CHN1: variants seen among roughly 807,000 people sequenced by gnomAD.
The protein encoded by CHN1 is N-chimaerin.
CHN1 carries 37 observed loss-of-function variants against 59.5 expected under a neutral mutation model. The observed-to-expected ratio is 0.62, with a 90% CI of 0.48 to 0.82. CHN1 has a LOEUF of 0.82. CHN1 is among the 40% of genes least tolerant of loss of function. The probability of loss-of-function intolerance (pLI) is 0.00; values close to 1 mark genes in which losing one functional copy is unlikely to be tolerated. For synonymous variants in CHN1, 206 were observed against 200.4 expected (o/e 1.03, Z -0.24); for missense variants, 469 against 571.0 (o/e 0.82, Z 1.82).
chr2:174,820,131 G>C lies in CHN1; in HGVS notation c.712+4303C>G, dbSNP rs200956645. Among the ~76,000 whole-genome samples, 4 of 152,070 alleles carry C rather than the reference G, an allele frequency of 2.6e-5. No individual in the cohort carries two copies. In the East Asian group the frequency reaches 5.8e-4, roughly 22 times the overall value. On this transcript the variant is annotated intron_variant, in intron 8 of 12. Transcript: ENST00000409900. ...GTGAATAGTGCCACAATAAACATACGTGTGCATGTGTCTTTATAGCAGCAT... is the reference window on the plus strand; with the variant it reads ...GTGAATAGTGCCACAATAAACATACCTGTGCATGTGTCTTTATAGCAGCAT...
At chr2:174,812,693 C>T (rs1372155097) in intron 8 of CHN1, among the ~76,000 whole-genome samples, 4 of 151,988 alleles carry the variant, frequency 2.6e-5, no homozygotes, top group Admixed American at 1.3e-4. Context: ...AATTCTAGCT[C>T]ACGCTTCATC....
intron 6 of CHN1, among the ~76,000 whole-genome samples, chr2:174,853,337 T>A (rs536237982): frequency 6.6e-6 from 1 of 151,982 alleles, no homozygotes; most frequent in African/African-American, 2.4e-5. Flanking sequence ...GACAAACATA[T>A]GAAAAAATGC....
chr2:174,901,113 TTC>T (rs1688377131), intron 5 of CHN1, among the ~76,000 whole-genome samples: 1 of 152,210 alleles, frequency 6.6e-6, no homozygotes, highest in Non-Finnish European at 1.5e-5. Flanking sequence ...CAGCTGTTTA[TTC>T]TTCAGAAACC....
chr2:174,824,185 A>G (rs1685602851), intron 8 of CHN1, among the ~76,000 whole-genome samples: 1 of 152,236 alleles, frequency 6.6e-6, no homozygotes, highest in Admixed American at 6.5e-5. Flanking sequence ...TTTTTGAACA[A>G]GCTGACTTCT....
intron 5 of CHN1, among the ~76,000 whole-genome samples, chr2:174,902,721 G>C (rs980709979): frequency 2.6e-5 from 4 of 152,122 alleles, no homozygotes; most frequent in African/African-American, 9.7e-5. Context: ...TACATTACAC[G>C]TCAACGCCTA....
chr2:174,958,466 G>A (rs778361936), intron 1 of CHN1, among the ~76,000 whole-genome samples: 2 of 152,130 alleles, frequency 1.3e-5, no homozygotes, highest in Non-Finnish European at 2.9e-5. Flanking sequence ...TGGCCCTAAC[G>A]CCTCACAGAC....
At position 174,801,749 on chromosome 2, in the gene CHN1, G is replaced by T; in HGVS notation, c.1166C>A (p.Ala389Asp). Residue 389 changes from alanine (A) to aspartate (D), a missense_variant, in exon 12 of 13, where the codon GCT becomes GAT. Around this residue, in one of 5 missense-constraint regions of CHN1, gnomAD observed 225 missense variants for 289.9 expected, o/e 0.78. Coordinates refer to ENST00000409900, the MANE Select transcript of CHN1 (RefSeq NM_001822.7). ...GAGGTACCGGAGGGTTTCGCAGTGA[G>T]CAGGTGGCAGTAGTTTCAGTGCTTC... ...LHEALKLLPP[A>D]HCETLRYLMA... The T allele has an allele frequency of 3.7e-6, 6 of 1,613,512 alleles. No individual in the cohort carries two copies. Among genetic ancestry groups the T allele is most frequent in the Non-Finnish European group, 8.5e-7 (1 of 1,179,550 alleles).
intron 1 of CHN1, among the ~76,000 whole-genome samples, chr2:174,961,469 T>C (rs1157802619): frequency 6.6e-6 from 1 of 151,642 alleles, no homozygotes; most frequent in Non-Finnish European, 1.5e-5. Flanking sequence ...CAGGTGCCTG[T>C]AATCCCAGCT....
chr2:174,990,264 A>T (rs2077876), intron 1 of CHN1, among the ~76,000 whole-genome samples: 1,069 of 65,666 alleles, frequency 0.016, 4 homozygotes, highest in African/African-American at 0.02. Flanking sequence ...TGTGTGTGTG[A>T]GAGAGAGAGA....
Position 174,799,322 on chromosome 2 carries a change from G to A in CHN1, c.*794C>T, listed in dbSNP as rs1574027980. ...CAGTAAACAAAAGAGGTCAGAAGAA[G>A]TACTCAGTATTTAATAAATGGCCAA... is the stretch of plus-strand genomic sequence containing the variant. On this transcript the variant is annotated 3_prime_UTR_variant, in exon 13 of 13. Transcript: ENST00000409900. 5 of 378,146 alleles carry A rather than the reference G, an allele frequency of 1.3e-5. No individual in the cohort carries two copies. Among genetic ancestry groups the A allele is most frequent in the Middle Eastern group, 8.4e-4 (1 of 1,192 alleles). The allele number at this position is 378,146 out of a possible 1,614,324, so 23.4% of individuals were successfully genotyped here. A position where few individuals can be genotyped will look rare whatever the true frequency, so the allele number is the denominator to read the frequency against.
At chr2:174,887,937 A>C (rs1687938411) in intron 5 of CHN1, among the ~76,000 whole-genome samples, 1 of 152,178 alleles carries the variant, frequency 6.6e-6, no homozygotes, top group African/African-American at 2.4e-5. Flanking sequence ...GATGTACAAG[A>C]CTTCATTTCT....
chr2:174,905,084 A>G (rs888225665), intron 5 of CHN1, among the ~76,000 whole-genome samples: 61 of 152,222 alleles, frequency 4.0e-4, no homozygotes, highest in African/African-American at 1.4e-3. Flanking sequence ...TGGAAATGTT[A>G]GCTAATATTA....
intron 5 of CHN1, among the ~76,000 whole-genome samples, chr2:174,895,047 G>GCACA (rs1176777406): frequency 5.4e-5 from 8 of 147,148 alleles, no homozygotes; most frequent in African/African-American, 1.5e-4. Context: ...ACACACACGC[G>GCACA]CGCACACACA....
chr2:174,800,375 A>G, intron 12 of CHN1, 88 bp from the exon 13 acceptor site: 3 of 1,091,876 alleles, frequency 2.7e-6, no homozygotes, highest in Admixed American at 5.6e-5. Context: ...AAGATTCACA[A>G]TAAAAGTTTG....
At chr2:174,876,054 C>G (rs990207432) in intron 6 of CHN1, among the ~76,000 whole-genome samples, 10 of 152,138 alleles carry the variant, frequency 6.6e-5, no homozygotes, top group Non-Finnish European at 5.9e-5. Context: ...CAAAACAAGA[C>G]CAGGGAATTC....
Position 174,884,739 on chromosome 2 carries a change from G to C in CHN1, c.261-6611C>G, listed in dbSNP as rs143748754. 5.4e-3 allele frequency among the ~76,000 whole-genome samples: 820 copies of C among 152,212 alleles called. 4 individuals carry two copies. The highest frequency in any genetic ancestry group is 0.019 in the African/African-American group (780 of 41,526). On this transcript the variant is annotated intron_variant, in intron 5 of 12. Transcript: ENST00000409900. ...GAAAAAATTACGGGACACATACTGT[G>C]ATAATTAATATTATGCATTTGAGGG...
chr2:174,815,225 A>G lies in CHN1; in HGVS notation c.713-2743T>C, dbSNP rs545742967. On this transcript the variant is annotated intron_variant, in intron 8 of 12. Coordinates refer to ENST00000409900, the MANE Select transcript of CHN1 (RefSeq NM_001822.7). ...GACCCTGCCTCTACAAAAATTTTTA[A>G]AAATTGGTGGTTGTGGTGGTGTGCG... Among the ~76,000 whole-genome samples the G allele has an allele frequency of 2.4e-4, 37 of 152,166 alleles. 2 individuals are homozygous for G. Among genetic ancestry groups the G allele is most frequent in the Middle Eastern group, 6.8e-3 (2 of 294 alleles).
chr2:175,001,112 A>G (rs1691875404), intron 1 of CHN1, among the ~76,000 whole-genome samples: 1 of 152,146 alleles, frequency 6.6e-6, no homozygotes, highest in Admixed American at 6.5e-5. Context: ...CACCAGTACA[A>G]GAAGGAACAT....
chr2:174,902,765 TC>T (rs1414647604), intron 5 of CHN1, among the ~76,000 whole-genome samples: 1 of 152,146 alleles, frequency 6.6e-6, no homozygotes, highest in African/African-American at 2.4e-5. Flanking sequence ...TTCCTTTTGA[TC>T]CTTCTTCTTT....
Sources: allele counts gnomAD v4.1 joint callset (sites outside exome capture counted in the v4.1 genomes callset), GRCh38; gene constraint gnomAD v4.1.1; regional missense constraint gnomAD v4.1.1; transcripts MANE v1.5; gene names NCBI Gene and HGNC (gene_info 2026-07-23, HGNC 2026-07-21).